PTPN12: variants seen among roughly 807,000 people sequenced by gnomAD.
PTPN12 encodes protein tyrosine phosphatase non-receptor type 12, also known as tyrosine-protein phosphatase non-receptor type 12.
A neutral mutation model predicts 97.6 loss-of-function variants in PTPN12; 29 were observed. The ratio of observed to expected loss-of-function variants is 0.30; its 90% CI spans 0.22 to 0.41. The LOEUF is 0.41. Among genes scored for constraint, PTPN12 ranks in the 10% least tolerant of loss-of-function variants. PTPN12 has a pLI of 1.00. For missense variants in PTPN12, 819 were observed against 926.0 expected, an observed-to-expected ratio of 0.88 and a Z score of 1.50; for synonymous variants, 327 against 300.4, an observed-to-expected ratio of 1.09 and a Z score of -0.91.
At chr7:77,583,118 T>G (rs1292162581) in intron 3 of PTPN12, among the ~76,000 whole-genome samples, 1 of 152,204 alleles carries the variant, frequency 6.6e-6, no homozygotes, top group Non-Finnish European at 1.5e-5. Flanking sequence ...TAGTAGATGC[T>G]TGATAAACTT....
At chr7:77,537,937 T>G in intron 1 of PTPN12, 5 of 679,192 alleles carry the variant, frequency 7.4e-6, no homozygotes, top group East Asian at 9.0e-5. Flanking sequence ...GACCACCTAT[T>G]GTTTACCGGG....
intron 11 of PTPN12, among the ~76,000 whole-genome samples, chr7:77,613,587 C>A (rs1197730248): frequency 6.6e-6 from 1 of 152,066 alleles, no homozygotes; most frequent in Non-Finnish European, 1.5e-5. Context: ...GATGCAGTGG[C>A]TCATGCCTGG....
intron 2 of PTPN12, among the ~76,000 whole-genome samples, chr7:77,574,918 A>G (rs997858692): frequency 9.3e-5 from 14 of 151,062 alleles, no homozygotes; most frequent in Non-Finnish European, 1.3e-4. Context: ...TGCAACCTCT[A>G]TCTCCCGGGT....
intron 5 of PTPN12, among the ~76,000 whole-genome samples, chr7:77,590,812 C>T (rs1165633494): frequency 6.6e-6 from 1 of 151,976 alleles, no homozygotes. Flanking sequence ...CATCCACCCA[C>T]GTTGGCCTTC....
chr7:77,537,913 G>A, intron 1 of PTPN12: 1 of 591,328 alleles, frequency 1.7e-6, no homozygotes, highest in Non-Finnish European at 2.3e-6. Context: ...CCCGCAGCCT[G>A]CACCGTGGCT....
intron 9 of PTPN12, among the ~76,000 whole-genome samples, chr7:77,609,068 A>G (rs945978228): frequency 6.6e-6 from 1 of 151,960 alleles, no homozygotes; most frequent in Non-Finnish European, 1.5e-5. Context: ...AAAAATACAA[A>G]AATTAGCCAG....
At chr7:77,557,874 T>C (rs1807792547) in intron 1 of PTPN12, among the ~76,000 whole-genome samples, 1 of 152,154 alleles carries the variant, frequency 6.6e-6, no homozygotes, top group Admixed American at 6.5e-5. Context: ...GGGGAGTAGC[T>C]ACCAAATTTG....
At position 77,610,858 on chromosome 7, in the gene PTPN12, T is replaced by C; in HGVS notation, c.840+16T>C. 6.3e-7 allele frequency: 1 copy of C among 1,595,234 alleles called. No individual in the cohort carries two copies. The highest frequency in any genetic ancestry group is 2.2e-5 in the East Asian group (1 of 44,646). On this transcript the variant is annotated intron_variant, in intron 10 of 17. Transcript: ENST00000248594. Reference sequence around the variant, plus strand: ...ACAAACAAAGGTATAGTTGTTTGTTTCCCTTTATAAACTGCTATTTTATAA... The same window carrying C: ...ACAAACAAAGGTATAGTTGTTTGTTCCCCTTTATAAACTGCTATTTTATAA...
intron 1 of PTPN12, among the ~76,000 whole-genome samples, chr7:77,565,904 A>G (rs542988975): frequency 6.6e-5 from 10 of 152,384 alleles, no homozygotes; most frequent in East Asian, 1.9e-4. Flanking sequence ...CTATTGGTCT[A>G]TAAAGTCCAG....
intron 2 of PTPN12, among the ~76,000 whole-genome samples, chr7:77,581,188 T>G (rs1787506224): frequency 1.3e-5 from 2 of 152,182 alleles, no homozygotes. Context: ...GTGGTTCTCC[T>G]GCCACAGCCT....
chr7:77,635,896 CTT>C, intron 15 of PTPN12, 47 bp downstream of exon 15: 4 of 1,238,294 alleles, frequency 3.2e-6, no homozygotes, highest in South Asian at 2.9e-5. Flanking sequence ...CATTTCTACT[CTT>C]TTGTTAACTA....
At chr7:77,556,709 A>G (rs1256091344) in intron 1 of PTPN12, among the ~76,000 whole-genome samples, 2 of 152,044 alleles carry the variant, frequency 1.3e-5, no homozygotes, top group East Asian at 3.9e-4. Flanking sequence ...GTGTTCCTGT[A>G]GTCCCAGCTA....
intron 12 of PTPN12, among the ~76,000 whole-genome samples, chr7:77,620,353 A>T (rs1218037026): frequency 2.6e-5 from 4 of 152,214 alleles, no homozygotes; most frequent in African/African-American, 4.8e-5. Context: ...ATTAAGAAAA[A>T]ATATTCAACT....
chr7:77,547,676 C>T (rs964774613), intron 1 of PTPN12, among the ~76,000 whole-genome samples: 8 of 152,256 alleles, frequency 5.3e-5, no homozygotes, highest in African/African-American at 1.2e-4. Flanking sequence ...GAAGTATATT[C>T]GGAATATAAG....
intron 8 of PTPN12, chr7:77,605,011 TTA>T (rs1326548633): frequency 1.9e-5 from 4 of 209,646 alleles, no homozygotes; most frequent in Non-Finnish European, 4.1e-5. Flanking sequence ...ATCTGTATCT[TTA>T]TGTTATACTT....
chr7:77,615,465 G>T (rs1387839894), intron 11 of PTPN12, among the ~76,000 whole-genome samples: 1 of 152,218 alleles, frequency 6.6e-6, no homozygotes, highest in African/African-American at 2.4e-5. Flanking sequence ...ACACAGGCTA[G>T]GCGCCGTGGC....
At chr7:77,603,108 C>G (rs1010781590) in intron 8 of PTPN12, among the ~76,000 whole-genome samples, 1 of 152,118 alleles carries the variant, frequency 6.6e-6, no homozygotes, top group Non-Finnish European at 1.5e-5. Flanking sequence ...TTCATTAAAA[C>G]TATTTTTTTC....
At chr7:77,593,206 T>C (rs1220868977) in intron 6 of PTPN12, among the ~76,000 whole-genome samples, 1 of 150,970 alleles carries the variant, frequency 6.6e-6, no homozygotes, top group Non-Finnish European at 1.5e-5. Flanking sequence ...GAGGTGGAGG[T>C]TGCAGTGAGC....
intron 12 of PTPN12, 127 bp downstream of exon 12, chr7:77,618,692 A>C (rs952457395): frequency 3.0e-6 from 2 of 667,294 alleles, no homozygotes; most frequent in Non-Finnish European, 4.8e-6. Flanking sequence ...GTTAGGATGT[A>C]ACATACGTAT....
Sources: gnomAD v4.1 joint callset for allele counts (sites outside exome capture counted in the v4.1 genomes callset) on GRCh38, gnomAD v4.1.1 for gene constraint, MANE v1.5 for transcripts, NCBI Gene and HGNC (gene_info 2026-07-23, HGNC 2026-07-21) for gene names.